DMD: variants seen among roughly 807,000 people sequenced by gnomAD.
DMD encodes the protein dystrophin.
DMD carries 63 observed loss-of-function variants against 330.1 expected under a neutral mutation model. That is an observed-to-expected ratio of 0.19 (90% CI 0.16 to 0.24). The LOEUF is 0.24. Among genes scored for constraint, DMD ranks in the 10% least tolerant of loss-of-function variants. The probability of loss-of-function intolerance (pLI) is 1.00; values close to 1 mark genes in which losing one functional copy is unlikely to be tolerated. For synonymous variants in DMD, 1,223 were observed against 959.8 expected (o/e 1.27, Z -5.07); for missense variants, 3,344 against 2,684.1 (o/e 1.25, Z -5.43).
chrX:32,562,982 G>A (rs1022044032), intron 16 of DMD, among the ~76,000 whole-genome samples: 3 of 111,416 alleles, frequency 2.7e-5, no homozygotes, highest in Non-Finnish European at 3.8e-5. Context: ...CTTACATGAT[G>A]TTAAGTCCTT....
chrX:32,419,025 T>C (rs2098178506), intron 29 of DMD, among the ~76,000 whole-genome samples: 1 of 102,813 alleles, frequency 9.7e-6, no homozygotes, highest in African/African-American at 3.7e-5. Context: ...GCACACATTG[T>C]ATTGTACACT....
In DMD at chrX:31,529,086, G is replaced by C. The variant is rs181776608; in HGVS notation, c.8218-21633C>G. Reference sequence around the variant, plus strand: ...AAAATACAAAAATTAGCAGGGCATGGTGGTGGGCACCTGTAATCCCAGCTA... The same window carrying C: ...AAAATACAAAAATTAGCAGGGCATGCTGGTGGGCACCTGTAATCCCAGCTA... On this transcript the variant is annotated intron_variant, in intron 55 of 78. Transcript: ENST00000357033. 6.8e-3 allele frequency among the ~76,000 whole-genome samples: 756 copies of C among 111,812 alleles called. 6 individuals are homozygous for C. Among genetic ancestry groups the C allele is most frequent in the African/African-American group, 0.023 (701 of 30,770 alleles).
intron 7 of DMD, among the ~76,000 whole-genome samples, chrX:32,734,241 A>G (rs1475154473): frequency 9.6e-6 from 1 of 104,433 alleles, no homozygotes; most frequent in Non-Finnish European, 1.9e-5. Flanking sequence ...GAATAGACCA[A>G]TAACAGGATC....
At chrX:32,298,834 T>C (rs1337677458) in intron 42 of DMD, among the ~76,000 whole-genome samples, 1 of 100,769 alleles carries the variant, frequency 9.9e-6, no homozygotes, top group Non-Finnish European at 2.0e-5. Context: ...GAGGAGGGAG[T>C]TAGCCCTTTG....
At chrX:33,098,274 T>C (rs183065166) in intron 1 of DMD, among the ~76,000 whole-genome samples, 79 of 112,054 alleles carry the variant, frequency 7.1e-4, no homozygotes, top group African/African-American at 2.5e-3. Context: ...GGTGCTTATC[T>C]ATCAAAGAAT....
At chrX:32,765,504 A>T (rs2072868754) in intron 7 of DMD, among the ~76,000 whole-genome samples, 1 of 111,456 alleles carries the variant, frequency 9.0e-6, no homozygotes, top group African/African-American at 3.3e-5. Flanking sequence ...AATGTGAGCC[A>T]ATTAAACCTC....
chrX:31,446,653 T>C (rs1416298440), intron 59 of DMD, among the ~76,000 whole-genome samples: 1 of 111,673 alleles, frequency 9.0e-6, no homozygotes, highest in African/African-American at 3.3e-5. Flanking sequence ...TGGAGAAAGG[T>C]GGTTTAAATC....
At chrX:32,733,082 T>C (rs781675588) in intron 7 of DMD, among the ~76,000 whole-genome samples, 87 of 105,972 alleles carry the variant, frequency 8.2e-4, no homozygotes, top group African/African-American at 2.9e-3. Flanking sequence ...ACCAAGCAAA[T>C]GGAAAACAAA....
intron 23 of DMD, among the ~76,000 whole-genome samples, chrX:32,467,581 TATTAC>T (rs2040162072): frequency 9.1e-6 from 1 of 109,388 alleles, no homozygotes; most frequent in Non-Finnish European, 1.9e-5. Flanking sequence ...ATGTGATATA[TATTAC>T]ATTAGATATG....
rs772847160 is a variant in DMD, at chrX:32,925,685, G to C, written c.94-75865C>G. Among the ~76,000 whole-genome samples the C allele has an allele frequency of 1.2e-4, 13 of 111,988 alleles. No individual in the cohort carries two copies. The East Asian group carries it at 3.7e-3, about 32-fold the overall frequency. ...GTGTAGTACATGATAACTAAAATTA[G>C]TTAAATTAATTGCAGGAGTTACTTT... On this transcript the variant is annotated intron_variant, in intron 2 of 78. Coordinates refer to ENST00000357033, the MANE Select transcript of DMD (RefSeq NM_004006.3).
At chrX:31,284,591 T>TTCTTCC (rs975844187) in intron 62 of DMD, among the ~76,000 whole-genome samples, 2 of 101,170 alleles carry the variant, frequency 2.0e-5, no homozygotes, top group African/African-American at 3.9e-5. Context: ...CTTCTTCTTC[T>TTCTTCC]TCTTCTTCTT....
rs147051087 is a variant in DMD at position 31,659,920 on chromosome X, G to C, written c.7873-1776C>G. ...AAAAATCATTTTTGTTTTAATATTTGTTCTTTTGCGTTAGTATGATATTTA... is the reference window on the plus strand; with the variant it reads ...AAAAATCATTTTTGTTTTAATATTTCTTCTTTTGCGTTAGTATGATATTTA... On this transcript the variant is annotated intron_variant, in intron 53 of 78. Coordinates refer to ENST00000357033, the MANE Select transcript of DMD (RefSeq NM_004006.3). Among the ~76,000 whole-genome samples, 392 of 111,234 alleles carry C rather than the reference G, an allele frequency of 3.5e-3. 1 individual carries two copies. The highest frequency in any genetic ancestry group is 0.012 in the African/African-American group (373 of 30,656).
At chrX:31,356,817 A>T (rs2148550630) in intron 60 of DMD, among the ~76,000 whole-genome samples, 1 of 110,685 alleles carries the variant, frequency 9.0e-6, no homozygotes, top group East Asian at 2.8e-4. Context: ...GCAGCAATCA[A>T]CCTCCTATCC....
At chrX:33,283,995 G>A (rs1012968447) in intron 1 of DMD, among the ~76,000 whole-genome samples, 2 of 111,095 alleles carry the variant, frequency 1.8e-5, no homozygotes. Context: ...TCCAGCCTGG[G>A]CGACAGAGAA....
intron 1 of DMD, among the ~76,000 whole-genome samples, chrX:33,218,274 T>C (rs749584923): frequency 9.0e-6 from 1 of 111,523 alleles, no homozygotes; most frequent in South Asian, 3.7e-4. Flanking sequence ...TCCATGAGTT[T>C]TATTGGTCTG....
chrX:31,361,770 CTTT>C (rs1174751121), intron 60 of DMD, among the ~76,000 whole-genome samples: 2 of 93,446 alleles, frequency 2.1e-5, no homozygotes, highest in Admixed American at 1.2e-4. Context: ...CTCTTACCAT[CTTT>C]TTTTTTTTTT....
At position 31,179,317 on chromosome X, in the gene DMD, AAGAG is replaced by A. The variant is rs778457101; in HGVS notation, c.10087-516_10087-513del. Among the ~76,000 whole-genome samples, 4 of 112,678 alleles carry A rather than the reference AAGAG, an allele frequency of 3.5e-5. No homozygotes were observed. In the East Asian group the frequency reaches 1.1e-3, roughly 32 times the overall value. On this transcript the variant is annotated intron_variant, in intron 69 of 78. Transcript: ENST00000357033. ...TCTGGGAGGATCACTCTGATGATGG[AAGAG>A]AGAGATGCTCTAAAGCAGAGCTTCT... is the stretch of plus-strand genomic sequence containing the variant.
chrX:32,417,841 A>T (rs1371877816), intron 29 of DMD, among the ~76,000 whole-genome samples: 1 of 110,675 alleles, frequency 9.0e-6, no homozygotes, highest in Non-Finnish European at 1.9e-5. Context: ...ACACACACAC[A>T]CACAAATCAT....
chrX:31,393,065 T>A (rs893933561), intron 60 of DMD, among the ~76,000 whole-genome samples: 5 of 112,531 alleles, frequency 4.4e-5, no homozygotes, highest in African/African-American at 1.6e-4. Flanking sequence ...AATTTTAATA[T>A]GGAAAGCAGG....
Sources: gnomAD v4.1 joint callset for allele counts (sites outside exome capture counted in the v4.1 genomes callset) on GRCh38, gnomAD v4.1.1 for gene constraint, MANE v1.5 for transcripts, NCBI Gene and HGNC (gene_info 2026-07-23, HGNC 2026-07-21) for gene names.